Variants in ARHGAP18 observed in about 807,000 individuals in gnomAD.
The protein encoded by ARHGAP18 is rho GTPase-activating protein 18.
A neutral mutation model predicts 86.2 loss-of-function variants in ARHGAP18; 67 were observed. The observed-to-expected ratio is 0.78, with a 90% CI of 0.64 to 0.95. The LOEUF is 0.95. ARHGAP18 is among the 40% of genes least tolerant of loss of function. The pLI is 0.00. For synonymous variants in ARHGAP18, 283 were observed against 280.4 expected (o/e 1.01, Z -0.09); for missense variants, 691 against 780.4 (o/e 0.89, Z 1.37).
intron 6 of ARHGAP18, 27 bp downstream of exon 6, chr6:129,618,660 T>A: frequency 6.4e-7 from 1 of 1,564,702 alleles, no homozygotes; most frequent in Non-Finnish European, 8.7e-7. Flanking sequence ...TAGAAATAAA[T>A]CCAAGGGTTT....
chr6:129,649,902 T>G (rs1026529148), intron 1 of ARHGAP18, among the ~76,000 whole-genome samples: 3 of 141,162 alleles, frequency 2.1e-5, no homozygotes, highest in Non-Finnish European at 4.5e-5. Context: ...CTACTTCGTC[T>G]TCTTTTTTTT....
At chr6:129,617,004 A>G (rs1027784567) in intron 6 of ARHGAP18, among the ~76,000 whole-genome samples, 4 of 152,190 alleles carry the variant, frequency 2.6e-5, no homozygotes, top group Non-Finnish European at 5.9e-5. Flanking sequence ...TTAAATAGAC[A>G]TTGAACACTT....
intron 1 of ARHGAP18, among the ~76,000 whole-genome samples, chr6:129,680,507 C>G (rs1774306443): frequency 6.6e-6 from 1 of 152,332 alleles, no homozygotes; most frequent in East Asian, 1.9e-4. Context: ...TCCTTTCGAA[C>G]AGCTCCTGTA....
At chr6:129,627,027 T>A (rs1008073392) in intron 5 of ARHGAP18, among the ~76,000 whole-genome samples, 2 of 152,022 alleles carry the variant, frequency 1.3e-5, no homozygotes, top group African/African-American at 4.8e-5. Flanking sequence ...CAGAAACATA[T>A]CAGTCTAGGT....
chr6:129,678,429 G>A (rs775060793), intron 1 of ARHGAP18, among the ~76,000 whole-genome samples: 66 of 152,080 alleles, frequency 4.3e-4, no homozygotes, highest in Non-Finnish European at 7.5e-4. Context: ...GCCTGGCAAA[G>A]TGCAGGAGCC....
At chr6:129,594,257 T>G (rs1231466793) in intron 12 of ARHGAP18, among the ~76,000 whole-genome samples, 1 of 152,210 alleles carries the variant, frequency 6.6e-6, no homozygotes, top group African/African-American at 2.4e-5. Context: ...TTCAAAAACC[T>G]TTGTTCAGTG....
chr6:129,625,254 TATATG>T (rs1443427296), intron 5 of ARHGAP18, among the ~76,000 whole-genome samples: 4 of 86,986 alleles, frequency 4.6e-5, no homozygotes, highest in Admixed American at 2.0e-4. Flanking sequence ...ATATGTAATA[TATATG>T]ATATATGATA....
intron 10 of ARHGAP18, among the ~76,000 whole-genome samples, chr6:129,601,598 C>A (rs80342725): frequency 6.7e-6 from 1 of 149,456 alleles, no homozygotes; most frequent in Admixed American, 6.7e-5. Context: ...ATAGAGAAAG[C>A]GGGGAAATGA....
chr6:129,641,006 G>A (rs938299805), intron 2 of ARHGAP18, among the ~76,000 whole-genome samples: 7 of 152,114 alleles, frequency 4.6e-5, no homozygotes, highest in Non-Finnish European at 1.0e-4. Flanking sequence ...TGGGAAATAT[G>A]GCTGGAAAGT....
In ARHGAP18 at chr6:129,607,875, AAG is replaced by A. The variant is rs1788885980; in HGVS notation, c.1282+16_1282+17del. ...TGGCACCAGCAGAAGGACTGCTTCA[AAG>A]AGGGATAGCACTTACTCTGGACAGC... On this transcript the variant is annotated intron_variant, in intron 9 of 14. Transcript: ENST00000368149. 1 of 1,567,956 alleles carries A rather than the reference AAG, an allele frequency of 6.4e-7. No homozygotes were observed. The highest frequency in any genetic ancestry group is 1.4e-5 in the African/African-American group (1 of 72,552).
chr6:129,635,653 T>C (rs894375919), intron 3 of ARHGAP18, among the ~76,000 whole-genome samples: 1 of 152,194 alleles, frequency 6.6e-6, no homozygotes, highest in African/African-American at 2.4e-5. Flanking sequence ...AAGGCCTTCA[T>C]GAGGAAGCAT....
At chr6:129,661,766 A>C in intron 1 of ARHGAP18, 1 of 587,672 alleles carries the variant, frequency 1.7e-6, no homozygotes, top group Non-Finnish European at 2.1e-6. Context: ...TCCCTTGACA[A>C]CACCACAAAT....
intron 1 of ARHGAP18, among the ~76,000 whole-genome samples, chr6:129,681,130 T>G (rs1156984594): frequency 6.6e-6 from 1 of 152,164 alleles, no homozygotes; most frequent in Non-Finnish European, 1.5e-5. Flanking sequence ...CAAGCTGGAG[T>G]GCAGTAGCAC....
intron 11 of ARHGAP18, among the ~76,000 whole-genome samples, chr6:129,599,730 G>A (rs1788698490): frequency 6.6e-6 from 1 of 152,108 alleles, no homozygotes. Flanking sequence ...AGCCCTGCTA[G>A]CTAACCTCAA....
chr6:129,698,807 C>T (rs1774664996), intron 1 of ARHGAP18, among the ~76,000 whole-genome samples: 1 of 151,724 alleles, frequency 6.6e-6, no homozygotes, highest in Admixed American at 6.6e-5. Flanking sequence ...ATTCTCCTGC[C>T]TCAGCCTCCC....
At chr6:129,662,718 T>C (rs1773976824) in intron 1 of ARHGAP18, among the ~76,000 whole-genome samples, 1 of 152,240 alleles carries the variant, frequency 6.6e-6, no homozygotes, top group Non-Finnish European at 1.5e-5. Flanking sequence ...CAAGATTCAC[T>C]GCTCTCTATG....
chr6:129,595,762 C>T (rs1788604639), intron 12 of ARHGAP18, among the ~76,000 whole-genome samples: 1 of 152,160 alleles, frequency 6.6e-6, no homozygotes, highest in African/African-American at 2.4e-5. Flanking sequence ...TCTCTCCAAA[C>T]ATTTCAAATA....
chr6:129,616,287 G>C lies in ARHGAP18; in HGVS notation c.969C>G (p.Cys323Trp). Residue 323 changes from cysteine (C) to tryptophan (W), a missense_variant, in exon 7 of 15, where the codon TGC (cysteine) becomes TGG (tryptophan). Coordinates refer to ENST00000368149, the MANE Select transcript of ARHGAP18 (RefSeq NM_033515.3). ...GTTCTAATAGCGCTGTCAATGGAAC[G>C]CAAAAAAGACCAGAATCTGCAAGAA... is the stretch of plus-strand genomic sequence containing the variant. ...KIKTKDSGLF[C>W]VPLTALLEQD... is the part of the protein sequence containing the mutation. The C allele has an allele frequency of 6.2e-7, 1 of 1,607,066 alleles. No individual in the cohort carries two copies. Among genetic ancestry groups the C allele is most frequent in the Non-Finnish European group, 8.5e-7 (1 of 1,176,640 alleles).
rs375808408 is a variant in ARHGAP18, at chr6:129,600,725, T to C, written c.1489A>G (p.Ser497Gly). ...FMCHALGLKS[S>G]EQREFVMAAG... is the part of the protein sequence containing the mutation. The stretch of plus-strand genomic sequence containing the variant: ...GCCATTACAAATTCTCGCTGTTCAC[T>C]GGACTTCAATCCCAATGCATGACAC... The change falls in exon 11 of 15, where the codon AGT becomes GGT. Residue 497 changes from serine (S) to glycine (G), a missense_variant. Transcript: ENST00000368149. 1.9e-6 allele frequency: 3 copies of C among 1,613,688 alleles called. No homozygotes were observed. The highest frequency in any genetic ancestry group is 1.7e-6 in the Non-Finnish European group (2 of 1,179,818).
Sources: allele counts gnomAD v4.1 joint callset (sites outside exome capture counted in the v4.1 genomes callset), GRCh38; gene constraint gnomAD v4.1.1; transcripts MANE v1.5; gene names NCBI Gene and HGNC (gene_info 2026-07-23, HGNC 2026-07-21).